NKAIN3: variants seen among roughly 807,000 people sequenced by gnomAD.
NKAIN3 encodes sodium/potassium-transporting ATPase subunit beta-1-interacting protein 3.
A neutral mutation model predicts 30.2 loss-of-function variants in NKAIN3; 25 were observed. The observed-to-expected ratio is 0.83, with a 90% CI of 0.60 to 1.16. NKAIN3 has a LOEUF of 1.16. Ranked by LOEUF, NKAIN3 falls within the 50% of genes most tolerant of loss-of-function variation. NKAIN3 has a pLI of 0.00. For synonymous variants in NKAIN3, 91 were observed against 89.6 expected (o/e 1.02, Z -0.09); for missense variants, 225 against 254.1 (o/e 0.89, Z 0.78).
rs111251954 is a variant in NKAIN3 at position 62,434,895 on chromosome 8, C to T, written c.55-144644C>T. On this transcript the variant is annotated intron_variant, in intron 1 of 6. Transcript: ENST00000623646. The stretch of plus-strand genomic sequence containing the variant: ...GTTAACTGACCTTTGAACACCTCTC[C>T]CCCTTGAGTTTTTGCAGAACATCTA... Among the ~76,000 whole-genome samples, 926 of 152,130 alleles carry T rather than the reference C, an allele frequency of 6.1e-3. 6 individuals carry two copies. Among genetic ancestry groups the T allele is most frequent in the Non-Finnish European group, 7.4e-3 (500 of 67,998 alleles).
chr8:62,841,939 TC>T (rs1819540727), intron 4 of NKAIN3, among the ~76,000 whole-genome samples: 1 of 152,180 alleles, frequency 6.6e-6, no homozygotes, highest in South Asian at 2.1e-4. Flanking sequence ...GTACAAGCAT[TC>T]CCTTTTCTCT....
intron 1 of NKAIN3, among the ~76,000 whole-genome samples, chr8:62,405,617 A>G (rs951797477): frequency 7.3e-4 from 111 of 152,190 alleles, no homozygotes; most frequent in Non-Finnish European, 3.2e-4. Context: ...TCCATGCGGC[A>G]GTGCTGCTGC....
intron 4 of NKAIN3, among the ~76,000 whole-genome samples, chr8:62,814,141 C>A (rs1021145380): frequency 1.3e-5 from 2 of 151,980 alleles, no homozygotes; most frequent in Non-Finnish European, 2.9e-5. Context: ...ATTGAATTTA[C>A]GTAAGAATCT....
At chr8:62,859,979 T>A (rs1275603936) in intron 4 of NKAIN3, among the ~76,000 whole-genome samples, 1 of 152,230 alleles carries the variant, frequency 6.6e-6, no homozygotes. Flanking sequence ...TTTTGCTTTT[T>A]CATTTTGAAT....
At chr8:62,906,701 T>A (rs1652948375) in intron 4 of NKAIN3, among the ~76,000 whole-genome samples, 1 of 152,190 alleles carries the variant, frequency 6.6e-6, no homozygotes, top group Non-Finnish European at 1.5e-5. Context: ...GCACATGATT[T>A]CTTGCATGCC....
chr8:62,856,072 G>A, intron 4 of NKAIN3: 1 of 701,080 alleles, frequency 1.4e-6, no homozygotes, highest in Non-Finnish European at 2.6e-6. Flanking sequence ...CACCCCATGA[G>A]CATCAAACCT....
intron 3 of NKAIN3, among the ~76,000 whole-genome samples, chr8:62,705,375 G>A (rs1168378033): frequency 6.6e-6 from 1 of 152,136 alleles, no homozygotes; most frequent in East Asian, 1.9e-4. Flanking sequence ...TGATTCGAGG[G>A]ATTATGAGAG....
intron 5 of NKAIN3, among the ~76,000 whole-genome samples, chr8:62,925,213 C>A (rs932686522): frequency 3.3e-5 from 5 of 152,022 alleles, no homozygotes. Flanking sequence ...TCTTACCTAC[C>A]GTAGAATCTC....
intron 5 of NKAIN3, among the ~76,000 whole-genome samples, chr8:62,949,670 C>T (rs559146117): frequency 6.6e-6 from 1 of 152,056 alleles, no homozygotes; most frequent in Non-Finnish European, 1.5e-5. Flanking sequence ...AGAGAGCAGC[C>T]CACTGTGTGG....
chr8:62,586,556 C>A (rs2130091142), intron 2 of NKAIN3, among the ~76,000 whole-genome samples: 1 of 152,038 alleles, frequency 6.6e-6, no homozygotes, highest in African/African-American at 2.4e-5. Context: ...TATTATAAGT[C>A]TAGCATATTG....
intron 1 of NKAIN3, among the ~76,000 whole-genome samples, chr8:62,361,811 A>G (rs555519806): frequency 1.3e-5 from 2 of 152,344 alleles, no homozygotes; most frequent in East Asian, 1.9e-4. Context: ...CAGCTTTAAT[A>G]ATAAGCAGTC....
At chr8:62,293,673 A>G (rs961728983) in intron 1 of NKAIN3, among the ~76,000 whole-genome samples, 2 of 152,094 alleles carry the variant, frequency 1.3e-5, no homozygotes, top group Admixed American at 1.3e-4. Context: ...CAGTTAGGCT[A>G]CTCGGGGGTC....
intron 2 of NKAIN3, among the ~76,000 whole-genome samples, chr8:62,588,978 TCTAGGG>T (rs1810567691): frequency 6.6e-6 from 1 of 151,804 alleles, no homozygotes; most frequent in Admixed American, 6.6e-5. Context: ...AGTCTCTCGA[TCTAGGG>T]CTACCTTAAT....
intron 1 of NKAIN3, among the ~76,000 whole-genome samples, chr8:62,333,619 T>A (rs1194359173): frequency 6.6e-6 from 1 of 152,132 alleles, no homozygotes; most frequent in Admixed American, 6.6e-5. Context: ...TGCATCATTT[T>A]TCTTAGCTAT....
At chr8:62,775,080 T>C (rs7815152) in intron 4 of NKAIN3, among the ~76,000 whole-genome samples, 16,993 of 152,150 alleles carry the variant, frequency 0.11, 1,297 homozygotes, top group Admixed American at 0.19. Context: ...TTAATCTAGG[T>C]ACTTGTTATT....
intron 1 of NKAIN3, among the ~76,000 whole-genome samples, chr8:62,323,860 CT>C (rs1815022997): frequency 6.6e-6 from 1 of 152,016 alleles, no homozygotes; most frequent in Non-Finnish European, 1.5e-5. Flanking sequence ...TCTGAAAAGG[CT>C]ACAAACTGAA....
intron 3 of NKAIN3, among the ~76,000 whole-genome samples, chr8:62,683,212 T>C (rs1813696238): frequency 6.6e-6 from 1 of 152,116 alleles, no homozygotes; most frequent in Non-Finnish European, 1.5e-5. Flanking sequence ...TTTGTTGTAT[T>C]TTTAGTAGAA....
At chr8:62,276,629 G>A (rs548768497) in intron 1 of NKAIN3, among the ~76,000 whole-genome samples, 2 of 152,144 alleles carry the variant, frequency 1.3e-5, no homozygotes, top group South Asian at 4.2e-4. Flanking sequence ...TTTAAAATTA[G>A]GTTGGCAAAT....
At chr8:62,681,161 C>A (rs1201974894) in intron 3 of NKAIN3, among the ~76,000 whole-genome samples, 2 of 152,164 alleles carry the variant, frequency 1.3e-5, no homozygotes, top group Non-Finnish European at 2.9e-5. Flanking sequence ...TCTCAATAAT[C>A]TGTACTTGCT....
Sources: allele counts gnomAD v4.1 joint callset (sites outside exome capture counted in the v4.1 genomes callset), GRCh38; gene constraint gnomAD v4.1.1; transcripts MANE v1.5; gene names NCBI Gene and HGNC (gene_info 2026-07-23, HGNC 2026-07-21).